SEPSECS: variants seen among roughly 807,000 people sequenced by gnomAD.
SEPSECS encodes the protein Sep (O-phosphoserine) tRNA:Sec (selenocysteine) tRNA synthase.
SEPSECS carries 42 observed loss-of-function variants against 52.1 expected under a neutral mutation model. That is an observed-to-expected ratio of 0.81 (90% CI 0.63 to 1.04). The LOEUF is 1.04. SEPSECS is among the 50% of genes least tolerant of loss of function. The pLI is 0.00. For synonymous variants in SEPSECS, 216 were observed against 211.4 expected (o/e 1.02, Z -0.19); for missense variants, 590 against 610.6 (o/e 0.97, Z 0.36).
chr4:25,135,390 T>C (rs1177457254), intron 8 of SEPSECS, among the ~76,000 whole-genome samples: 2 of 151,992 alleles, frequency 1.3e-5, no homozygotes, highest in African/African-American at 4.8e-5. Flanking sequence ...GTATCACCAC[T>C]GACCCACAGA....
intron 8 of SEPSECS, among the ~76,000 whole-genome samples, chr4:25,142,141 G>A (rs1275661532): frequency 6.6e-6 from 1 of 152,168 alleles, no homozygotes; most frequent in Non-Finnish European, 1.5e-5. Context: ...GCCAGGCATG[G>A]TGATGTGTGC....
At chr4:25,148,481 C>T (rs1453204156) in intron 6 of SEPSECS, among the ~76,000 whole-genome samples, 3 of 151,338 alleles carry the variant, frequency 2.0e-5, no homozygotes, top group African/African-American at 4.9e-5. Context: ...TTTAGAATGT[C>T]ATGAAACAGC....
At chr4:25,147,199 G>A (rs555213869) in intron 6 of SEPSECS, among the ~76,000 whole-genome samples, 1 of 152,152 alleles carries the variant, frequency 6.6e-6, no homozygotes, top group Non-Finnish European at 1.5e-5. Flanking sequence ...TGTACTTCTT[G>A]AAGAGTGCTT....
intron 8 of SEPSECS, among the ~76,000 whole-genome samples, chr4:25,142,581 C>T (rs543657286): frequency 1.7e-4 from 26 of 152,234 alleles, no homozygotes; most frequent in South Asian, 6.2e-4. Flanking sequence ...AATGTTTACT[C>T]GAATCTTATC....
In SEPSECS at chr4:25,145,050, A is replaced by G. The variant is rs750441850; in HGVS notation, c.888T>C (p.Ala296=). 4 of 1,613,964 alleles carry G rather than the reference A, an allele frequency of 2.5e-6. No individual in the cohort carries two copies. The highest frequency in any genetic ancestry group is 2.5e-6 in the Non-Finnish European group (3 of 1,179,892). The stretch of plus-strand genomic sequence containing the variant: ...CCTGAATGAATGAATCATTAAAGCC[A>G]GCAATTATAGCACCACCTACTGGAA... The part of the protein sequence containing the change: ...FMVPVGGAII[A]GFNDSFIQEI... The change falls in exon 7 of 11, where the codon GCT becomes GCC. Residue 296 remains alanine (A), a synonymous_variant. Transcript: ENST00000382103.
chr4:25,131,000 C>T (rs1728583580), intron 8 of SEPSECS, among the ~76,000 whole-genome samples: 1 of 152,086 alleles, frequency 6.6e-6, no homozygotes, highest in African/African-American at 2.4e-5. Flanking sequence ...CTGTATTTAA[C>T]TTAATTTTAA....
chr4:25,129,846 A>T (rs1316796398), intron 8 of SEPSECS, among the ~76,000 whole-genome samples: 1 of 152,168 alleles, frequency 6.6e-6, no homozygotes, highest in African/African-American at 2.4e-5. Context: ...ATATATTTTC[A>T]TCTCCTATAA....
chr4:25,160,068 C>A, intron 1 of SEPSECS, 188 bp downstream of exon 1: 2 of 985,430 alleles, frequency 2.0e-6, no homozygotes, highest in Non-Finnish European at 1.2e-6. Context: ...ATTTGGCTTT[C>A]ACTGGCTTTG....
At chr4:25,157,186 G>A (rs1228706551) in intron 2 of SEPSECS, among the ~76,000 whole-genome samples, 3 of 151,992 alleles carry the variant, frequency 2.0e-5, no homozygotes, top group African/African-American at 7.3e-5. Flanking sequence ...TTCCAAAGAC[G>A]GCCACCATCA....
At chr4:25,139,704 A>C (rs2109016558) in intron 8 of SEPSECS, among the ~76,000 whole-genome samples, 1 of 152,238 alleles carries the variant, frequency 6.6e-6, no homozygotes, top group Admixed American at 6.5e-5. Flanking sequence ...ATTAGAGTAG[A>C]CCAAGGTGGG....
intron 10 of SEPSECS, among the ~76,000 whole-genome samples, chr4:25,124,590 G>C (rs1270394422): frequency 1.3e-5 from 2 of 151,898 alleles, no homozygotes; most frequent in Non-Finnish European, 2.9e-5. Flanking sequence ...AAAATGATTT[G>C]GTTTTGTGCC....
At chr4:25,155,500 A>G (rs1344056015) in intron 4 of SEPSECS, among the ~76,000 whole-genome samples, 2 of 152,242 alleles carry the variant, frequency 1.3e-5, no homozygotes, top group Non-Finnish European at 2.9e-5. Flanking sequence ...TTCAGTTTCA[A>G]TCCACAGAAA....
Position 25,151,944 on chromosome 4 carries a change from T to C in SEPSECS, c.804+16A>G. ...GAATTTTTCCTTGACATACATATCA[T>C]TTTAAACTCTCTTACCTGCTGAATG... On this transcript the variant is annotated intron_variant, in intron 6 of 10. Transcript: ENST00000382103. 7.3e-7 allele frequency: 1 copy of C among 1,364,398 alleles called. No homozygotes were observed. Among genetic ancestry groups the C allele is most frequent in the Non-Finnish European group, 1.1e-6 (1 of 952,314 alleles). The allele number at this position is 1,364,398 out of a possible 1,614,324, so 84.5% of individuals were successfully genotyped here.
intron 1 of SEPSECS, chr4:25,159,451 G>C: frequency 2.9e-6 from 1 of 344,914 alleles, no homozygotes; most frequent in South Asian, 2.3e-5. Context: ...GGGACGTGGA[G>C]AAGGGCGGTA....
At position 25,156,143 on chromosome 4, in the gene SEPSECS, A is replaced by G; in HGVS notation, c.441T>C (p.Ser147=). Residue 147 remains serine, a synonymous_variant, in exon 4 of 11, where the codon AGT becomes AGC. Transcript: ENST00000382103. ...CFVVPMATGM[S]LTLCFLTLRH... ...GTAATGTTAAGAAACACAGAGTTAG[A>G]CTCATACCAGTTGCCATAGGAACTA... is the stretch of plus-strand genomic sequence containing the variant. 6.2e-7 allele frequency: 1 copy of G among 1,614,050 alleles called. No homozygotes were observed. The highest frequency in any genetic ancestry group is 8.5e-7 in the Non-Finnish European group (1 of 1,179,950).
chr4:25,134,721 A>G lies in SEPSECS; in HGVS notation c.1027-7364T>C, dbSNP rs1286545129. On this transcript the variant is annotated intron_variant, in intron 8 of 10. Transcript: ENST00000382103. ...TTTATTGTAGTAAATATGGCATATT[A>G]TTATTTTTATTTATGGTTTCGAAGT... 3.9e-5 allele frequency among the ~76,000 whole-genome samples: 6 copies of G among 152,326 alleles called. No individual in the cohort carries two copies. In the East Asian group the frequency reaches 5.8e-4, roughly 15 times the overall value.
intron 8 of SEPSECS, among the ~76,000 whole-genome samples, chr4:25,137,512 T>C (rs928114344): frequency 1.3e-5 from 2 of 152,066 alleles, no homozygotes; most frequent in African/African-American, 4.8e-5. Flanking sequence ...AAAACCACAA[T>C]GAGATACCAT....
intron 6 of SEPSECS, 71 bp from the exon 7 acceptor site, chr4:25,145,204 C>A: frequency 6.7e-7 from 1 of 1,489,008 alleles, no homozygotes; most frequent in Admixed American, 1.7e-5. Context: ...ACAAATACCA[C>A]AACAAAAAAT....
In SEPSECS at chr4:25,126,556, T is replaced by C. The variant is rs531832978; in HGVS notation, c.1120+708A>G. ...AATATGAAACATTATATTACATATATTCACAATTTAAAAGGGGGTAATTAT... is the reference window on the plus strand; with the variant it reads ...AATATGAAACATTATATTACATATACTCACAATTTAAAAGGGGGTAATTAT... On this transcript the variant is annotated intron_variant, in intron 9 of 10. Transcript: ENST00000382103. Among the ~76,000 whole-genome samples the C allele has an allele frequency of 3.9e-5, 6 of 152,342 alleles. No individual in the cohort carries two copies. The East Asian group carries it at 1.2e-3, about 29-fold the overall frequency.
Sources: allele counts gnomAD v4.1 joint callset (sites outside exome capture counted in the v4.1 genomes callset), GRCh38; gene constraint gnomAD v4.1.1; transcripts MANE v1.5; gene names NCBI Gene and HGNC (gene_info 2026-07-23, HGNC 2026-07-21).